EML1: variants seen among roughly 807,000 people sequenced by gnomAD.
The protein encoded by EML1 is EMAP like 1.
A neutral mutation model predicts 110.4 loss-of-function variants in EML1; 27 were observed. The observed-to-expected ratio is 0.24, with a 90% CI of 0.18 to 0.34. The LOEUF is 0.34. Ranked by LOEUF, EML1 falls within the 10% of genes least tolerant of loss-of-function variation. The pLI is 1.00. For synonymous variants in EML1, 344 were observed against 385.8 expected, an observed-to-expected ratio of 0.89 and a Z score of 1.27; for missense variants, 741 against 1,030.9, an observed-to-expected ratio of 0.72 and a Z score of 3.85.
In EML1 at chr14:99,897,270, C is replaced by G; in HGVS notation, c.803C>G (p.Ala268Gly). 5 of 1,611,224 alleles carry G rather than the reference C, an allele frequency of 3.1e-6. No homozygotes were observed. Residue 268 changes from alanine to glycine, a missense_variant, in exon 7 of 22, where the codon GCT becomes GGT. Transcript: ENST00000262233. ...NVEEQLQRHY[A>G]GHNDDVKCLA... The stretch of plus-strand genomic sequence containing the variant: ...GAGGAGCAACTGCAGAGGCATTACG[C>G]TGGCCACAACGATGACGTGAAGTGG...
chr14:99,858,551 C>T (rs1237513062), intron 2 of EML1, among the ~76,000 whole-genome samples: 1 of 152,184 alleles, frequency 6.6e-6, no homozygotes, highest in Non-Finnish European at 1.5e-5. Context: ...TTCAACCAGT[C>T]CCTGCAACAG....
chr14:99,795,362 G>A (rs1466403788), intron 1 of EML1, among the ~76,000 whole-genome samples: 1 of 152,076 alleles, frequency 6.6e-6, no homozygotes, highest in African/African-American at 2.4e-5. Context: ...TAGAAGTATT[G>A]GTTTAAAGAA....
chr14:99,740,742 T>G (rs1247882331), intron 1 of EML1, among the ~76,000 whole-genome samples: 1 of 152,200 alleles, frequency 6.6e-6, no homozygotes, highest in Non-Finnish European at 1.5e-5. Context: ...TTTCTAAGCC[T>G]CAGTTTCTTC....
At chr14:99,889,518 A>G (rs553258833) in intron 4 of EML1, among the ~76,000 whole-genome samples, 1 of 152,306 alleles carries the variant, frequency 6.6e-6, no homozygotes, top group East Asian at 1.9e-4. Context: ...ATAGAGAAAA[A>G]TAAAGCAGGA....
chr14:99,899,638 A>G (rs548044988), intron 8 of EML1, among the ~76,000 whole-genome samples: 1 of 152,246 alleles, frequency 6.6e-6, no homozygotes, highest in South Asian at 2.1e-4. Context: ...TTTATACTTG[A>G]AAAGAGTTAA....
chr14:99,869,729 G>C (rs2059162189), intron 3 of EML1, among the ~76,000 whole-genome samples: 1 of 151,962 alleles, frequency 6.6e-6, no homozygotes, highest in Non-Finnish European at 1.5e-5. Flanking sequence ...CATCAGGGTA[G>C]ATCCCTCATG....
intron 10 of EML1, 86 bp from the exon 11 acceptor site, chr14:99,909,259 T>C: frequency 6.3e-7 from 1 of 1,588,518 alleles, no homozygotes; most frequent in African/African-American, 1.3e-5. Context: ...CTTATTTATT[T>C]GTGGCTCACA....
chr14:99,884,760 G>A (rs1189815210), intron 4 of EML1, among the ~76,000 whole-genome samples: 1 of 152,196 alleles, frequency 6.6e-6, no homozygotes, highest in Admixed American at 6.5e-5. Flanking sequence ...GTAGCTTAAT[G>A]AATTGTTCTA....
chr14:99,809,099 T>C (rs1270735399), intron 1 of EML1, among the ~76,000 whole-genome samples: 1 of 152,234 alleles, frequency 6.6e-6, no homozygotes, highest in Non-Finnish European at 1.5e-5. Context: ...CGTGTTGACC[T>C]GGTAATCTAT....
chr14:99,830,775 T>C (rs1273575916), intron 1 of EML1, among the ~76,000 whole-genome samples: 2 of 152,292 alleles, frequency 1.3e-5, no homozygotes, highest in East Asian at 3.9e-4. Flanking sequence ...GGTCTCGAAC[T>C]CCTGACCTCA....
At chr14:99,744,215 G>C (rs905827741) in intron 1 of EML1, among the ~76,000 whole-genome samples, 1 of 152,086 alleles carries the variant, frequency 6.6e-6, no homozygotes. Context: ...ATACCACAAA[G>C]GTACACTTCT....
At chr14:99,924,871 T>A (rs1462882362) in intron 17 of EML1, among the ~76,000 whole-genome samples, 1 of 152,218 alleles carries the variant, frequency 6.6e-6, no homozygotes, top group Non-Finnish European at 1.5e-5. Context: ...CTTATTTTAT[T>A]AATATCACTA....
chr14:99,834,112 G>C (rs901098439), intron 1 of EML1, among the ~76,000 whole-genome samples: 7 of 152,104 alleles, frequency 4.6e-5, no homozygotes, highest in Middle Eastern at 3.2e-3. Flanking sequence ...GTGTTTATCA[G>C]AAATGGATGT....
upstream of EML1, among the ~76,000 whole-genome samples, chr14:99,772,645 G>C (rs1207562618): frequency 1.3e-5 from 2 of 152,216 alleles, no homozygotes; most frequent in African/African-American, 4.8e-5. Context: ...TTGTCTGCAG[G>C]AGGTTTTTAG....
chr14:99,809,870 A>G (rs1182524376), intron 1 of EML1, among the ~76,000 whole-genome samples: 1 of 152,168 alleles, frequency 6.6e-6, no homozygotes, highest in Non-Finnish European at 1.5e-5. Context: ...CTTCTGGGAT[A>G]TTGGCTAATG....
chr14:99,797,807 TGTTTCTTCAAA>T (rs2057802721), intron 1 of EML1, among the ~76,000 whole-genome samples: 1 of 152,234 alleles, frequency 6.6e-6, no homozygotes, highest in Non-Finnish European at 1.5e-5. Context: ...GCCTTTGAGC[TGTTTCTTCAAA>T]GTAAAGGTTA....
At chr14:99,753,403 C>G (rs947873050) in intron 1 of EML1, among the ~76,000 whole-genome samples, 5 of 151,852 alleles carry the variant, frequency 3.3e-5, no homozygotes, top group Non-Finnish European at 7.4e-5. Flanking sequence ...CCTCCGGCCT[C>G]CCTGCCCAGG....
intron 1 of EML1, chr14:99,839,195 C>G (rs138012020): frequency 2.6e-5 from 4 of 152,046 alleles, no homozygotes; most frequent in African/African-American, 9.7e-5. Context: ...AACGTAGTAA[C>G]GGGCCTGAAG....
At chr14:99,747,642 C>A (rs1416110204) in intron 1 of EML1, among the ~76,000 whole-genome samples, 4 of 152,194 alleles carry the variant, frequency 2.6e-5, no homozygotes, top group Non-Finnish European at 5.9e-5. Flanking sequence ...GGCTGGGCTG[C>A]GCCTTAGGAA....
Sources: allele counts gnomAD v4.1 joint callset (sites outside exome capture counted in the v4.1 genomes callset), GRCh38; gene constraint gnomAD v4.1.1; transcripts MANE v1.5; gene names NCBI Gene and HGNC (gene_info 2026-07-23, HGNC 2026-07-21).